ZC3H12B: variants seen among roughly 807,000 people sequenced by gnomAD.
ZC3H12B encodes zinc finger CCCH-type containing 12B.
In ZC3H12B, 7 loss-of-function variants were observed where a neutral mutation model predicts 43.9. That is an observed-to-expected ratio of 0.16 (90% CI 0.09 to 0.30). The LOEUF (loss-of-function observed/expected upper bound fraction) is 0.30, where lower values mean the gene tolerates loss of function less well. Among genes scored for constraint, ZC3H12B ranks in the 10% least tolerant of loss-of-function variants. The pLI is 1.00. For synonymous variants in ZC3H12B, 222 were observed against 241.7 expected, an observed-to-expected ratio of 0.92 and a Z score of 0.76; for missense variants, 475 against 670.2, an observed-to-expected ratio of 0.71 and a Z score of 3.22.
intron 3 of ZC3H12B, among the ~76,000 whole-genome samples, chrX:65,480,803 G>A (rs972381982): frequency 1.0e-4 from 11 of 106,091 alleles, no homozygotes; most frequent in African/African-American, 3.9e-4. Flanking sequence ...CCGAGATTAT[G>A]CCATTGCACT....
chrX:65,155,104 C>G, the ZC3H12B span, among the ~76,000 whole-genome samples: 1 of 109,633 alleles, frequency 9.1e-6, no homozygotes, highest in African/African-American at 3.3e-5. Flanking sequence ...TACAGACATG[C>G]AACCACCAAA....
intron 3 of ZC3H12B, chrX:65,470,103 A>AG (rs2067888480): frequency 8.6e-6 from 1 of 116,474 alleles, no homozygotes; most frequent in Non-Finnish European, 1.8e-5. Context: ...CAGCGTGTGC[A>AG]GCGCCAAGTA....
chrX:65,226,550 A>T, the ZC3H12B span, among the ~76,000 whole-genome samples: 5 of 111,623 alleles, frequency 4.5e-5, no homozygotes, highest in African/African-American at 1.6e-4. Context: ...TTAAATGTAA[A>T]TGGACTAAAT....
the ZC3H12B span, among the ~76,000 whole-genome samples, chrX:65,065,790 G>T: frequency 2.7e-5 from 3 of 109,853 alleles, no homozygotes; most frequent in Admixed American, 2.9e-4. Context: ...ATCAATCATA[G>T]ATTTGGTCTT....
the ZC3H12B span, among the ~76,000 whole-genome samples, chrX:65,212,584 A>G: frequency 1.2e-5 from 1 of 80,999 alleles, no homozygotes; most frequent in Admixed American, 1.8e-4. Context: ...TATACAGTAT[A>G]TATTATATAT....
chrX:65,263,330 A>G, the ZC3H12B span, among the ~76,000 whole-genome samples: 1 of 111,100 alleles, frequency 9.0e-6, no homozygotes, highest in Non-Finnish European at 1.9e-5. Flanking sequence ...TAAAAGAGGG[A>G]TGGTTAATTG....
intron 3 of ZC3H12B, among the ~76,000 whole-genome samples, chrX:65,477,159 C>T (rs1007887695): frequency 8.2e-5 from 9 of 109,363 alleles, no homozygotes; most frequent in Admixed American, 2.0e-4. Context: ...GTTCATCCTC[C>T]TTCCTGATGA....
intron 3 of ZC3H12B, among the ~76,000 whole-genome samples, chrX:65,458,084 T>TTAAAAAAAAAAAAAAAAAAAAAAAA (rs2067660406): frequency 2.0e-5 from 1 of 48,991 alleles, no homozygotes; most frequent in African/African-American, 1.2e-4. Flanking sequence ...AAAAAAAAAA[T>TTAAAAAAAAAAAAAAAAAAAAAAAA]TAAAAAAAAA....
the ZC3H12B span, among the ~76,000 whole-genome samples, chrX:65,294,547 A>G: frequency 1.4e-4 from 16 of 111,820 alleles, no homozygotes; most frequent in Non-Finnish European, 2.3e-4. Context: ...CTCCACCTAA[A>G]GGAAACAGAA....
At chrX:65,449,248 G>A (rs1462383845) in intron 3 of ZC3H12B, among the ~76,000 whole-genome samples, 1 of 110,679 alleles carries the variant, frequency 9.0e-6, no homozygotes, top group South Asian at 3.9e-4. Context: ...AATCACCATG[G>A]CACACGTTTA....
At chrX:65,135,723 G>T in the ZC3H12B span, among the ~76,000 whole-genome samples, 1 of 98,085 alleles carries the variant, frequency 1.0e-5, no homozygotes, top group African/African-American at 3.8e-5. Context: ...AGCCACACAT[G>T]TCTCTGATGC....
the ZC3H12B span, among the ~76,000 whole-genome samples, chrX:65,339,750 T>C: frequency 2.7e-5 from 3 of 111,319 alleles, no homozygotes; most frequent in African/African-American, 6.5e-5. Context: ...TCATAGCTCT[T>C]GCAATGATGA....
At chrX:65,038,288 T>G in the ZC3H12B span, among the ~76,000 whole-genome samples, 1 of 111,594 alleles carries the variant, frequency 9.0e-6, no homozygotes, top group South Asian at 3.7e-4. Context: ...AGTAGTCTTC[T>G]TTGATTAAAG....
At chrX:65,247,818 A>T in the ZC3H12B span, among the ~76,000 whole-genome samples, 4 of 111,817 alleles carry the variant, frequency 3.6e-5, no homozygotes, top group East Asian at 1.1e-3. Context: ...TCCGTGCAGC[A>T]AACCTGCATG....
intron 3 of ZC3H12B, among the ~76,000 whole-genome samples, chrX:65,432,869 T>C (rs956960401): frequency 2.7e-5 from 3 of 111,984 alleles, no homozygotes; most frequent in African/African-American, 9.7e-5. Context: ...TGCTCCTATG[T>C]CCAATCAGTA....
intron 3 of ZC3H12B, among the ~76,000 whole-genome samples, chrX:65,461,249 C>T (rs751197607): frequency 4.5e-5 from 5 of 111,953 alleles, no homozygotes; most frequent in African/African-American, 1.6e-4. Flanking sequence ...CACTTTTACA[C>T]GTTGGTGGGA....
chrX:65,084,923 G>A, the ZC3H12B span, among the ~76,000 whole-genome samples: 1 of 112,493 alleles, frequency 8.9e-6, no homozygotes, highest in Non-Finnish European at 1.9e-5. Flanking sequence ...GTATTATTCA[G>A]CCATAAAAAG....
At chrX:65,496,198 T>C (rs1410918746) in intron 1 of ZC3H12B, among the ~76,000 whole-genome samples, 2 of 112,412 alleles carry the variant, frequency 1.8e-5, no homozygotes, top group African/African-American at 3.2e-5. Context: ...CTTTTCTCTT[T>C]CAGAATTATG....
intron 1 of ZC3H12B, 150 bp downstream of exon 6, chrX:65,489,559 C>T (rs1441644718): frequency 1.4e-6 from 1 of 727,695 alleles, no homozygotes; most frequent in African/African-American, 2.2e-5. Flanking sequence ...TGATCCTGCC[C>T]TTGCCTTTTC....
Sources: gnomAD v4.1 joint callset for allele counts (sites outside exome capture counted in the v4.1 genomes callset) on GRCh38, gnomAD v4.1.1 for gene constraint, MANE v1.5 for transcripts, NCBI Gene and HGNC (gene_info 2026-07-23, HGNC 2026-07-21) for gene names.